The following LRRTM4 variants were observed in gnomAD, a reference collection of about 807,000 sequenced individuals.
LRRTM4 encodes leucine-rich repeat transmembrane neuronal protein 4.
LRRTM4 carries 25 observed loss-of-function variants against 47.6 expected under a neutral mutation model. That is an observed-to-expected ratio of 0.53 (90% CI 0.38 to 0.73). The LOEUF is 0.73. Ranked by LOEUF, LRRTM4 falls within the 30% of genes least tolerant of loss-of-function variation. LRRTM4 has a pLI of 0.00. For missense variants in LRRTM4, 638 were observed against 713.4 expected (o/e 0.89, Z 1.20); for synonymous variants, 311 against 269.5 (o/e 1.15, Z -1.51).
chr2:77,051,651 G>A (rs1196779897), intron 3 of LRRTM4, among the ~76,000 whole-genome samples: 6 of 152,082 alleles, frequency 3.9e-5, no homozygotes, highest in African/African-American at 1.2e-4. Flanking sequence ...CTTTTTCTCT[G>A]GGATAGATAG....
chr2:76,893,266 C>A (rs1275108241), intron 3 of LRRTM4, among the ~76,000 whole-genome samples: 2 of 151,440 alleles, frequency 1.3e-5, no homozygotes, highest in African/African-American at 4.8e-5. Context: ...ACAAGACATA[C>A]AAGAAATTCT....
rs184230609 is a variant in LRRTM4 at position 77,020,475 on chromosome 2, G to T, written c.1552-271559C>A. Among the ~76,000 whole-genome samples the T allele has an allele frequency of 8.1e-3, 1,233 of 152,078 alleles. 3 individuals are homozygous for T. Among genetic ancestry groups the T allele is most frequent in the Non-Finnish European group, 0.013 (853 of 67,954 alleles). ...CAGATCCCATCAGCTACACAAAAAGGTTTCTAAGAATCGTACATGTGTTGT... is the reference window on the plus strand; with the variant it reads ...CAGATCCCATCAGCTACACAAAAAGTTTTCTAAGAATCGTACATGTGTTGT... On this transcript the variant is annotated intron_variant, in intron 3 of 3. Coordinates refer to ENST00000409884, the MANE Select transcript of LRRTM4 (RefSeq NM_001134745.3).
At chr2:77,276,449 A>G (rs1488154358) in intron 3 of LRRTM4, among the ~76,000 whole-genome samples, 1 of 150,652 alleles carries the variant, frequency 6.6e-6, no homozygotes, top group Non-Finnish European at 1.5e-5. Flanking sequence ...AAAAGAAAGG[A>G]AAGAATCTTG....
intron 3 of LRRTM4, among the ~76,000 whole-genome samples, chr2:76,925,110 T>C (rs76198527): frequency 0.039 from 5,942 of 152,192 alleles, 254 homozygotes; most frequent in East Asian, 0.13. Context: ...AAAGATGTAA[T>C]TGAGTTCCTT....
intron 3 of LRRTM4, among the ~76,000 whole-genome samples, chr2:77,229,405 C>T (rs887004440): frequency 6.6e-6 from 1 of 152,030 alleles, no homozygotes; most frequent in Admixed American, 6.6e-5. Flanking sequence ...GATTTCTAAC[C>T]TTCTTTGATA....
chr2:77,125,925 A>G (rs780418366), intron 3 of LRRTM4, among the ~76,000 whole-genome samples: 1 of 143,690 alleles, frequency 7.0e-6, no homozygotes, highest in Non-Finnish European at 1.5e-5. Context: ...ATATATATAT[A>G]CTATGTATGT....
chr2:76,964,079 T>C (rs1025444977), intron 3 of LRRTM4, among the ~76,000 whole-genome samples: 13 of 150,936 alleles, frequency 8.6e-5, no homozygotes, highest in Non-Finnish European at 1.5e-4. Context: ...TAAATCTTCA[T>C]AGAAGTAGTC....
At chr2:77,115,240 G>C (rs187920455) in intron 3 of LRRTM4, among the ~76,000 whole-genome samples, 42 of 152,100 alleles carry the variant, frequency 2.8e-4, no homozygotes, top group African/African-American at 8.7e-4. Context: ...TATTCTGCTC[G>C]ACCCCGCAGG....
At chr2:76,956,923 G>C (rs777583578) in intron 3 of LRRTM4, among the ~76,000 whole-genome samples, 4 of 151,246 alleles carry the variant, frequency 2.6e-5, no homozygotes, top group Admixed American at 6.6e-5. Flanking sequence ...TAACTAGTAA[G>C]AAAGTTGAAT....
At chr2:76,760,905 C>T (rs967294448) in intron 3 of LRRTM4, among the ~76,000 whole-genome samples, 2 of 152,124 alleles carry the variant, frequency 1.3e-5, no homozygotes, top group Admixed American at 1.3e-4. Flanking sequence ...TTCAGCCATC[C>T]GAAATGCCTT....
At chr2:77,204,284 A>C (rs145302110) in intron 3 of LRRTM4, among the ~76,000 whole-genome samples, 4 of 152,206 alleles carry the variant, frequency 2.6e-5, no homozygotes, top group African/African-American at 9.6e-5. Context: ...CTTACTGCTA[A>C]GGTTGTTATG....
intron 3 of LRRTM4, among the ~76,000 whole-genome samples, chr2:77,335,074 A>C (rs1298269637): frequency 6.6e-6 from 1 of 152,160 alleles, no homozygotes; most frequent in Non-Finnish European, 1.5e-5. Flanking sequence ...TGTTATAGAT[A>C]CTAGTAATAT....
At position 76,987,341 on chromosome 2, in the gene LRRTM4, A is replaced by T. The variant is rs186003855; in HGVS notation, c.1552-238425T>A. On this transcript the variant is annotated intron_variant, in intron 3 of 3. Transcript: ENST00000409884. The stretch of plus-strand genomic sequence containing the variant: ...GGATTAAATAATTTATTCTTTTAAA[A>T]ATAAAACTCTAAAGAATTATCATAA... 62 of 151,996 alleles carry T rather than the reference A, an allele frequency of 4.1e-4. No individual in the cohort carries two copies. The East Asian group carries it at 0.011, about 27-fold the overall frequency. The allele number at this position is 151,996 out of a possible 1,614,324, so 9.4% of individuals were successfully genotyped here. A position where few individuals can be genotyped will look rare whatever the true frequency, so the allele number is the denominator to read the frequency against.
intron 3 of LRRTM4, among the ~76,000 whole-genome samples, chr2:76,755,629 G>A (rs530599986): frequency 2.6e-5 from 4 of 152,286 alleles, no homozygotes; most frequent in East Asian, 1.9e-4. Context: ...CTAGCATGGT[G>A]TATCCAGGGC....
chr2:77,238,145 GT>G (rs1366987992), intron 3 of LRRTM4, among the ~76,000 whole-genome samples: 19 of 152,040 alleles, frequency 1.2e-4, no homozygotes, highest in Non-Finnish European at 2.5e-4. Flanking sequence ...GGTTTTAGCT[GT>G]TCTTGTCACA....
At chr2:77,313,546 C>T (rs903588621) in intron 3 of LRRTM4, among the ~76,000 whole-genome samples, 9 of 151,000 alleles carry the variant, frequency 6.0e-5, no homozygotes, top group South Asian at 2.1e-4. Flanking sequence ...GGTGCTATGA[C>T]GTGCCTCCCT....
chr2:77,408,109 A>T (rs1214522963), intron 3 of LRRTM4, among the ~76,000 whole-genome samples: 1 of 152,050 alleles, frequency 6.6e-6, no homozygotes, highest in Non-Finnish European at 1.5e-5. Context: ...GAAAATATTA[A>T]CTCTTCAATA....
chr2:77,354,980 A>G (rs977110208), intron 3 of LRRTM4, among the ~76,000 whole-genome samples: 13 of 152,166 alleles, frequency 8.5e-5, no homozygotes, highest in Non-Finnish European at 1.2e-4. Context: ...AATGAAAACA[A>G]TTTATACAAC....
chr2:76,764,684 T>C (rs1673389304), intron 3 of LRRTM4, among the ~76,000 whole-genome samples: 1 of 151,868 alleles, frequency 6.6e-6, no homozygotes, highest in Non-Finnish European at 1.5e-5. Context: ...ACACTGCCAG[T>C]TTGAACTAAG....
Sources: allele counts gnomAD v4.1 joint callset (sites outside exome capture counted in the v4.1 genomes callset), GRCh38; gene constraint gnomAD v4.1.1; transcripts MANE v1.5; gene names NCBI Gene and HGNC (gene_info 2026-07-23, HGNC 2026-07-21).